ARHGAP28: variants seen among roughly 807,000 people sequenced by gnomAD.
The protein encoded by ARHGAP28 is Rho GTPase activating protein 28, also known as rho GTPase-activating protein 28.
A neutral mutation model predicts 90.7 loss-of-function variants in ARHGAP28; 56 were observed. The observed-to-expected ratio is 0.62, with a 90% CI of 0.50 to 0.77. The LOEUF is 0.77. ARHGAP28 is among the 30% of genes least tolerant of loss of function. ARHGAP28 has a pLI of 0.00. For synonymous variants in ARHGAP28, 308 were observed against 323.3 expected (o/e 0.95, Z 0.51); for missense variants, 869 against 900.9 (o/e 0.96, Z 0.45).
intron 1 of ARHGAP28, among the ~76,000 whole-genome samples, chr18:6,777,159 A>G (rs2056290443): frequency 1.3e-5 from 2 of 152,216 alleles, no homozygotes; most frequent in African/African-American, 2.4e-5. Context: ...TAGATATATT[A>G]TAAACTTGAA....
chr18:6,850,947 A>T (rs2056905559), intron 3 of ARHGAP28, 87 bp from the exon 4 acceptor site: 8 of 1,569,952 alleles, frequency 5.1e-6, no homozygotes, highest in Non-Finnish European at 6.9e-6. Context: ...CATATATATA[A>T]AAACTCTAGT....
At chr18:6,754,443 G>C (rs1483318841) in intron 1 of ARHGAP28, among the ~76,000 whole-genome samples, 3 of 152,292 alleles carry the variant, frequency 2.0e-5, no homozygotes, top group African/African-American at 4.8e-5. Context: ...TGCTGGCTAA[G>C]AAAGGGAGAG....
intron 1 of ARHGAP28, among the ~76,000 whole-genome samples, chr18:6,794,925 C>T (rs1389258888): frequency 1.3e-5 from 2 of 152,126 alleles, no homozygotes; most frequent in African/African-American, 4.8e-5. Context: ...TCAAGTGCTC[C>T]ACCCGCCTGG....
chr18:6,912,334 C>A lies in ARHGAP28; in HGVS notation c.*180C>A. On this transcript the variant is annotated 3_prime_UTR_variant, in exon 18 of 18. Coordinates refer to ENST00000383472, the MANE Select transcript of ARHGAP28 (RefSeq NM_001366230.1). ...AAGAGGCGCCGGTTCACCAATTCAA[C>A]TGAAGCTTTCTCATGACTTTTTTTT... 1 of 383,322 alleles carries A rather than the reference C, an allele frequency of 2.6e-6. No homozygotes were observed. Among genetic ancestry groups the A allele is most frequent in the Non-Finnish European group, 4.7e-6 (1 of 212,938 alleles). The allele number at this position is 383,322 out of a possible 1,614,324, so 23.7% of individuals were successfully genotyped here.
intron 16 of ARHGAP28, among the ~76,000 whole-genome samples, chr18:6,904,202 T>C (rs2057352890): frequency 6.6e-6 from 1 of 152,178 alleles, no homozygotes; most frequent in Non-Finnish European, 1.5e-5. Flanking sequence ...GAGAGCAGCC[T>C]GGCCAACATG....
intron 1 of ARHGAP28, among the ~76,000 whole-genome samples, chr18:6,787,208 G>A (rs2056371943): frequency 9.1e-6 from 1 of 110,270 alleles, no homozygotes; most frequent in African/African-American, 3.6e-5. Context: ...CAACAAGAGC[G>A]AAACTCCATT....
chr18:6,832,891 C>G (rs1333325300), intron 2 of ARHGAP28, among the ~76,000 whole-genome samples: 2 of 151,964 alleles, frequency 1.3e-5, no homozygotes, highest in Non-Finnish European at 2.9e-5. Flanking sequence ...TAATATTCAT[C>G]CATAACTTAT....
chr18:6,837,100 A>G, intron 2 of ARHGAP28, 97 bp from the exon 3 acceptor site: 2 of 897,082 alleles, frequency 2.2e-6, no homozygotes, highest in Admixed American at 2.7e-5. Flanking sequence ...GAAAAAAAAT[A>G]CAAATATTAT....
At position 6,859,864 on chromosome 18, in the gene ARHGAP28, A is replaced by T. The variant is rs779129100; in HGVS notation, c.693A>T (p.Glu231Asp). 1 of 1,614,240 alleles carries T rather than the reference A, an allele frequency of 6.2e-7. No homozygotes were observed. Among genetic ancestry groups the T allele is most frequent in the Non-Finnish European group, 8.5e-7 (1 of 1,180,028 alleles). Residue 231 changes from glutamate (E) to aspartate (D), a missense_variant, in exon 5 of 18, where the codon GAA (glutamate) becomes GAT (aspartate). Coordinates refer to ENST00000383472, the MANE Select transcript of ARHGAP28 (RefSeq NM_001366230.1). ...TGTCTGACGCATCCCAGGATAAAGA[A>T]GGGAGTTTTGCGGTTCCCAGGAGTG... Reference protein sequence around the residue: ...TTLSDASQDKEGSFAVPRSDS... With the variant: ...TTLSDASQDKDGSFAVPRSDS...
intron 1 of ARHGAP28, among the ~76,000 whole-genome samples, chr18:6,766,851 A>G (rs1189020086): frequency 6.6e-6 from 1 of 152,058 alleles, no homozygotes. Context: ...GCACAAATCT[A>G]CCTGTCTGAA....
At chr18:6,827,418 AC>A (rs1188830833) in intron 2 of ARHGAP28, among the ~76,000 whole-genome samples, 3 of 128,862 alleles carry the variant, frequency 2.3e-5, no homozygotes, top group Non-Finnish European at 3.3e-5. Flanking sequence ...AGGGGGGTTG[AC>A]CCCCCCACCT....
intron 11 of ARHGAP28, among the ~76,000 whole-genome samples, chr18:6,884,306 G>A (rs1333469794): frequency 1.3e-5 from 2 of 152,160 alleles, no homozygotes; most frequent in Admixed American, 1.3e-4. Flanking sequence ...CCCAGGCGGT[G>A]GAGCTTATAG....
In ARHGAP28 at chr18:6,848,007, G is replaced by GC. The variant is rs560865254; in HGVS notation, c.544-3023dup. On this transcript the variant is annotated intron_variant, in intron 3 of 17. Transcript: ENST00000383472. ...CAGGAAAGTTCATTTAAGCCAAGGA[G>GC]CCCCAGGTTTTTATTGGGGGTTGAT... Among the ~76,000 whole-genome samples, 79 of 152,230 alleles carry GC rather than the reference G, an allele frequency of 5.2e-4. 1 individual carries two copies. The highest frequency in any genetic ancestry group is 1.9e-3 in the African/African-American group (77 of 41,556).
chr18:6,778,671 G>T (rs1432349279), intron 1 of ARHGAP28, among the ~76,000 whole-genome samples: 2 of 152,140 alleles, frequency 1.3e-5, no homozygotes, highest in Admixed American at 6.5e-5. Context: ...TTTTCAACAG[G>T]TGTTTTACTT....
At chr18:6,746,272 G>C (rs1274226917) in intron 1 of ARHGAP28, among the ~76,000 whole-genome samples, 1 of 152,132 alleles carries the variant, frequency 6.6e-6, no homozygotes, top group Non-Finnish European at 1.5e-5. Flanking sequence ...ACATAATTTA[G>C]ACCAGGGGTT....
chr18:6,864,495 A>G (rs1170670135), intron 5 of ARHGAP28, among the ~76,000 whole-genome samples: 1 of 152,182 alleles, frequency 6.6e-6, no homozygotes, highest in Non-Finnish European at 1.5e-5. Context: ...TGTTGTTATA[A>G]ATTTATTGTG....
At chr18:6,789,784 T>G (rs372185470) in intron 1 of ARHGAP28, 2 of 152,106 alleles carry the variant, frequency 1.3e-5, no homozygotes, top group African/African-American at 4.8e-5. Flanking sequence ...TACTTTTGTA[T>G]AGATGCAAAA....
chr18:6,909,257 TTTC>T (rs1470280148), intron 17 of ARHGAP28, among the ~76,000 whole-genome samples: 1 of 59,882 alleles, frequency 1.7e-5, no homozygotes, highest in African/African-American at 4.7e-5. Context: ...GGTCTTTTCT[TTTC>T]TTTTCTTTTC....
intron 1 of ARHGAP28, among the ~76,000 whole-genome samples, chr18:6,739,017 C>A (rs1216321133): frequency 6.6e-6 from 1 of 152,170 alleles, no homozygotes; most frequent in Non-Finnish European, 1.5e-5. Flanking sequence ...ATACTAAAAG[C>A]TTGACATACA....
Sources: gnomAD v4.1 joint callset for allele counts (sites outside exome capture counted in the v4.1 genomes callset) on GRCh38, gnomAD v4.1.1 for gene constraint, MANE v1.5 for transcripts, NCBI Gene and HGNC (gene_info 2026-07-23, HGNC 2026-07-21) for gene names.